PTPRD: variants seen among roughly 807,000 people sequenced by gnomAD.
The protein encoded by PTPRD is protein tyrosine phosphatase receptor type D.
PTPRD carries 34 observed loss-of-function variants against 214.5 expected under a neutral mutation model. That is an observed-to-expected ratio of 0.16 (90% CI 0.12 to 0.21). The LOEUF is 0.21. Among genes scored for constraint, PTPRD ranks in the 10% least tolerant of loss-of-function variants. The pLI, the probability that PTPRD is intolerant of heterozygous loss-of-function variation, is 1.00. For synonymous variants in PTPRD, 1,128 were observed against 845.7 expected, an observed-to-expected ratio of 1.33 and a Z score of -5.79; for missense variants, 2,545 against 2,398.7, an observed-to-expected ratio of 1.06 and a Z score of -1.27.
At chr9:9,832,231 CTTGG>C (rs2055104743) in intron 5 of PTPRD, among the ~76,000 whole-genome samples, 1 of 151,892 alleles carries the variant, frequency 6.6e-6, no homozygotes, top group Non-Finnish European at 1.5e-5. Context: ...GGAAGTAGAT[CTTGG>C]AGTAGCAGAC....
intron 9 of PTPRD, among the ~76,000 whole-genome samples, chr9:9,372,901 T>G (rs765520518): frequency 3.3e-5 from 5 of 152,008 alleles, no homozygotes; most frequent in Non-Finnish European, 7.4e-5. Flanking sequence ...TCTTTTCAAG[T>G]GGAATCACTT....
At chr9:8,967,471 C>A (rs146251327) in intron 11 of PTPRD, among the ~76,000 whole-genome samples, 1 of 152,012 alleles carries the variant, frequency 6.6e-6, no homozygotes, top group Non-Finnish European at 1.5e-5. Context: ...TACATATATA[C>A]CATGGAATAC....
intron 5 of PTPRD, among the ~76,000 whole-genome samples, chr9:9,937,436 A>G (rs980574349): frequency 1.3e-5 from 2 of 151,240 alleles, no homozygotes; most frequent in African/African-American, 4.8e-5. Context: ...TAAAAAAAAA[A>G]AATAGTTCCA....
rs117983617 is a variant in PTPRD, at chr9:10,066,372, T to C, written c.-544-32582A>G. Among the ~76,000 whole-genome samples the C allele has an allele frequency of 9.7e-3, 1,471 of 151,976 alleles. 12 individuals carry two copies. The highest frequency in any genetic ancestry group is 0.016 in the Non-Finnish European group (1,065 of 67,874). On this transcript the variant is annotated intron_variant, in intron 3 of 45. Transcript: ENST00000381196. ...ATTCCTGATTTACAACCATGGTTCC[T>C]TCTCTTGAGGAGAGGCCCTTTAACC...
At chr9:9,959,846 A>T (rs1001300751) in intron 4 of PTPRD, among the ~76,000 whole-genome samples, 21 of 152,218 alleles carry the variant, frequency 1.4e-4, no homozygotes, top group African/African-American at 5.1e-4. Context: ...TTATGTTGTG[A>T]TGGATTAGAG....
intron 9 of PTPRD, among the ~76,000 whole-genome samples, chr9:9,300,176 T>A (rs767315145): frequency 5.3e-5 from 8 of 151,384 alleles, no homozygotes; most frequent in Non-Finnish European, 8.9e-5. Context: ...ACTTAGGGTA[T>A]GTCATGCTCT....
intron 7 of PTPRD, among the ~76,000 whole-genome samples, chr9:9,660,339 G>A (rs1016264891): frequency 2.0e-5 from 3 of 151,982 alleles, no homozygotes; most frequent in African/African-American, 2.4e-5. Context: ...AGGTAAGGGG[G>A]CAAGCAAGAG....
intron 14 of PTPRD, among the ~76,000 whole-genome samples, chr9:8,557,470 C>T (rs1365958775): frequency 5.4e-5 from 7 of 129,806 alleles, no homozygotes; most frequent in South Asian, 2.1e-4. Flanking sequence ...GGGCCGGGCG[C>T]GGTGGCTCAT....
intron 11 of PTPRD, among the ~76,000 whole-genome samples, chr9:8,920,815 A>ATTT (rs1038228198): frequency 2.0e-5 from 3 of 151,926 alleles, no homozygotes; most frequent in African/African-American, 7.3e-5. Flanking sequence ...TTATTTATTT[A>ATTT]TTTATTATTT....
At chr9:10,524,067 C>T (rs764906251) in intron 2 of PTPRD, among the ~76,000 whole-genome samples, 17 of 152,086 alleles carry the variant, frequency 1.1e-4, no homozygotes, top group South Asian at 2.1e-4. Flanking sequence ...TAAGTCCTCA[C>T]GTGAACTTTC....
intron 3 of PTPRD, among the ~76,000 whole-genome samples, chr9:10,188,513 G>A: frequency 6.6e-6 from 1 of 150,738 alleles, no homozygotes; most frequent in Non-Finnish European, 1.5e-5. Flanking sequence ...TAGTCTTCTT[G>A]GAAATAACTA....
At chr9:9,999,465 C>T (rs979006653) in intron 4 of PTPRD, among the ~76,000 whole-genome samples, 1 of 152,272 alleles carries the variant, frequency 6.6e-6, no homozygotes, top group East Asian at 1.9e-4. Flanking sequence ...ATTAGAACTT[C>T]TTTTTAACAC....
chr9:8,862,963 G>A (rs942156089), intron 11 of PTPRD, among the ~76,000 whole-genome samples: 2 of 152,184 alleles, frequency 1.3e-5, no homozygotes, highest in South Asian at 4.1e-4. Flanking sequence ...TATACCTAAT[G>A]CTAGATGACG....
At chr9:10,457,186 A>G (rs896373231) in intron 2 of PTPRD, among the ~76,000 whole-genome samples, 1 of 151,986 alleles carries the variant, frequency 6.6e-6, no homozygotes, top group African/African-American at 2.4e-5. Context: ...TTGAAGTATA[A>G]TTTGAATGCC....
chr9:10,549,024 T>C lies in PTPRD; in HGVS notation c.-600+63374A>G, dbSNP rs141320882. Among the ~76,000 whole-genome samples the C allele has an allele frequency of 2.6e-3, 398 of 152,330 alleles. 2 individuals carry two copies. Among genetic ancestry groups the C allele is most frequent in the African/African-American group, 9.0e-3 (374 of 41,574 alleles). ...AGCAACTTCATGTATGAGACAATTATGGCAAGTTTAAATTTTGTGGTTTTG... is the reference window on the plus strand; with the variant it reads ...AGCAACTTCATGTATGAGACAATTACGGCAAGTTTAAATTTTGTGGTTTTG... On this transcript the variant is annotated intron_variant, in intron 2 of 45. Transcript: ENST00000381196.
At chr9:9,021,602 T>C (rs904901363) in intron 10 of PTPRD, among the ~76,000 whole-genome samples, 1 of 152,262 alleles carries the variant, frequency 6.6e-6, no homozygotes, top group Middle Eastern at 3.4e-3. Context: ...AAATAAGGCA[T>C]TGCTGTCGTA....
intron 3 of PTPRD, among the ~76,000 whole-genome samples, chr9:10,324,305 A>T (rs573168813): frequency 1.2e-3 from 189 of 152,196 alleles, no homozygotes; most frequent in African/African-American, 4.4e-3. Flanking sequence ...ATCAATGCAG[A>T]TATTAATAAT....
chr9:8,739,432 C>T (rs551102826), intron 11 of PTPRD, among the ~76,000 whole-genome samples: 2 of 152,310 alleles, frequency 1.3e-5, no homozygotes, highest in East Asian at 1.9e-4. Flanking sequence ...CCACTTTAAA[C>T]GTAGCTAGTG....
intron 2 of PTPRD, among the ~76,000 whole-genome samples, chr9:10,423,659 T>C (rs992165442): frequency 6.6e-6 from 1 of 151,930 alleles, no homozygotes; most frequent in African/African-American, 2.4e-5. Flanking sequence ...TTTTTAGAGA[T>C]GCTCCTGTTA....
Sources: gnomAD v4.1 joint callset for allele counts (sites outside exome capture counted in the v4.1 genomes callset) on GRCh38, gnomAD v4.1.1 for gene constraint, MANE v1.5 for transcripts, NCBI Gene and HGNC (gene_info 2026-07-23, HGNC 2026-07-21) for gene names.